KLHL22: variants seen among roughly 807,000 people sequenced by gnomAD.
KLHL22 encodes the protein kelch-like protein 22.
In KLHL22, 18 loss-of-function variants were observed where a neutral mutation model predicts 60.7. That is an observed-to-expected ratio of 0.30 (90% CI 0.20 to 0.44). The LOEUF (loss-of-function observed/expected upper bound fraction) is 0.44. Among genes scored for constraint, KLHL22 ranks in the 20% least tolerant of loss-of-function variants. The pLI, the probability that KLHL22 is intolerant of heterozygous loss-of-function variation, is 1.00. For missense variants in KLHL22, 596 were observed against 852.3 expected, an observed-to-expected ratio of 0.70 and a Z score of 3.74; for synonymous variants, 355 against 354.5, an observed-to-expected ratio of 1.00 and a Z score of -0.01.
At chr22:20,483,087 T>C in intron 2 of KLHL22, 4 of 656,886 alleles carry the variant, frequency 6.1e-6, no homozygotes, top group South Asian at 1.7e-5. Flanking sequence ...TGCAGCAGGA[T>C]CCCATTGAGC....
intron 1 of KLHL22, among the ~76,000 whole-genome samples, chr22:20,492,721 C>T (rs2053710950): frequency 6.6e-6 from 1 of 152,128 alleles, no homozygotes; most frequent in Non-Finnish European, 1.5e-5. Flanking sequence ...TCCCCAGTAG[C>T]TGGGATTACA....
At chr22:20,484,717 C>T (rs2053558977) in intron 2 of KLHL22, among the ~76,000 whole-genome samples, 1 of 150,400 alleles carries the variant, frequency 6.6e-6, no homozygotes, top group African/African-American at 2.5e-5. Context: ...TAGGTGTGAG[C>T]CACTGTGCTC....
intron 5 of KLHL22, chr22:20,450,983 T>A: frequency 6.3e-7 from 1 of 1,578,968 alleles, no homozygotes. Flanking sequence ...GCTGGGGGCT[T>A]CGGAAGCCAG....
At chr22:20,493,288 A>T (rs769199966) in intron 1 of KLHL22, 2 of 467,016 alleles carry the variant, frequency 4.3e-6, no homozygotes, top group South Asian at 3.1e-5. Context: ...ACCAAGTCCA[A>T]TTTAAGAAAC....
intron 2 of KLHL22, among the ~76,000 whole-genome samples, chr22:20,480,231 T>C (rs2053476750): frequency 2.0e-5 from 3 of 152,226 alleles, no homozygotes; most frequent in Non-Finnish European, 2.9e-5. Context: ...TTAGTGGGTA[T>C]AGAGTTTCAG....
At chr22:20,478,257 G>A (rs190715171) in intron 2 of KLHL22, among the ~76,000 whole-genome samples, 21 of 150,130 alleles carry the variant, frequency 1.4e-4, no homozygotes, top group African/African-American at 5.2e-4. Context: ...CCAGGCTGGA[G>A]TGCAATGGCG....
chr22:20,490,969 G>C (rs2146292328), intron 1 of KLHL22, among the ~76,000 whole-genome samples: 1 of 152,256 alleles, frequency 6.6e-6, no homozygotes, highest in East Asian at 1.9e-4. Flanking sequence ...ACAGGTTGAG[G>C]GCTGAGTCTC....
chr22:20,488,913 C>A (rs761921748), intron 2 of KLHL22, 72 bp downstream of exon 2: 47 of 1,418,864 alleles, frequency 3.3e-5, no homozygotes, highest in Non-Finnish European at 4.2e-5. Context: ...CCACTGTCAC[C>A]GCCAGTACCT....
intron 3 of KLHL22, among the ~76,000 whole-genome samples, chr22:20,466,482 AT>A (rs1452773855): frequency 1.3e-5 from 2 of 151,576 alleles, no homozygotes; most frequent in East Asian, 3.9e-4. Context: ...ACCTAAGACC[AT>A]CCCCATCCCT....
intron 2 of KLHL22, among the ~76,000 whole-genome samples, chr22:20,475,646 C>G (rs950360341): frequency 6.6e-6 from 1 of 152,018 alleles, no homozygotes; most frequent in Non-Finnish European, 1.5e-5. Flanking sequence ...ACCACAACCT[C>G]CACTTCCCGG....
intron 2 of KLHL22, chr22:20,481,052 C>A: frequency 6.6e-6 from 1 of 151,496 alleles, no homozygotes; most frequent in Non-Finnish European, 1.5e-5. Context: ...AGGATGGTCT[C>A]GATCTCCTGA....
intron 2 of KLHL22, chr22:20,483,946 A>C: frequency 3.0e-6 from 2 of 674,308 alleles, no homozygotes; most frequent in Non-Finnish European, 5.4e-6. Context: ...CAGCCCTGGA[A>C]GCTGGTGGAG....
At chr22:20,481,509 G>A (rs113106249) in intron 2 of KLHL22, among the ~76,000 whole-genome samples, 5,624 of 152,202 alleles carry the variant, frequency 0.037, 338 homozygotes, top group African/African-American at 0.13. Flanking sequence ...GTAGGCGGAG[G>A]TTGCAGTGAG....
At chr22:20,450,526 G>C (rs774820801) in intron 5 of KLHL22, 127 of 1,613,928 alleles carry the variant, frequency 7.9e-5, no homozygotes, top group Non-Finnish European at 1.0e-4. Context: ...TAATTGCCTG[G>C]GTATTAGGGA....
intron 5 of KLHL22, among the ~76,000 whole-genome samples, chr22:20,449,338 G>C (rs996790513): frequency 6.6e-6 from 1 of 152,090 alleles, no homozygotes; most frequent in African/African-American, 2.4e-5. Context: ...GGGATTACAG[G>C]TGTGAGCCAC....
intron 2 of KLHL22, among the ~76,000 whole-genome samples, chr22:20,472,791 G>A (rs187184329): frequency 8.5e-4 from 130 of 152,276 alleles, no homozygotes; most frequent in African/African-American, 2.4e-3. Context: ...TGACCTGAGA[G>A]TCACTGGTTA....
intron 4 of KLHL22, among the ~76,000 whole-genome samples, chr22:20,463,733 C>A (rs1343680067): frequency 6.6e-6 from 1 of 152,226 alleles, no homozygotes; most frequent in South Asian, 2.1e-4. Flanking sequence ...CTGAAACCTG[C>A]CCTTCCTCAT....
chr22:20,458,035 T>C (rs1229047338), intron 4 of KLHL22, 35 bp from the exon 5 acceptor site: 3 of 1,609,014 alleles, frequency 1.9e-6, no homozygotes, highest in Admixed American at 1.7e-5. Flanking sequence ...CAGCACTGAC[T>C]AGGCAGGGAG....
chr22:20,461,635 GT>G (rs2053157713), intron 4 of KLHL22, among the ~76,000 whole-genome samples: 1 of 146,998 alleles, frequency 6.8e-6, no homozygotes, highest in Admixed American at 6.8e-5. Flanking sequence ...GACTATTAAT[GT>G]TTTAATGTCT....
Sources: gnomAD v4.1 joint callset for allele counts (sites outside exome capture counted in the v4.1 genomes callset) on GRCh38, gnomAD v4.1.1 for gene constraint, MANE v1.5 for transcripts, NCBI Gene and HGNC (gene_info 2026-07-23, HGNC 2026-07-21) for gene names.